PRKN: variants seen among roughly 807,000 people sequenced by gnomAD.
PRKN encodes the protein parkin RBR E3 ubiquitin protein ligase.
PRKN carries 56 observed loss-of-function variants against 59.5 expected under a neutral mutation model. The observed-to-expected ratio is 0.94, with a 90% CI of 0.76 to 1.18. The LOEUF is 1.18. PRKN is among the 50% of genes most tolerant of loss of function. PRKN has a pLI of 0.00. For missense variants in PRKN, 657 were observed against 596.4 expected (o/e 1.10, Z -1.06); for synonymous variants, 250 against 222.1 (o/e 1.13, Z -1.12).
At chr6:161,814,089 G>A (rs548570864) in intron 6 of PRKN, among the ~76,000 whole-genome samples, 9 of 152,172 alleles carry the variant, frequency 5.9e-5, no homozygotes, top group Non-Finnish European at 1.3e-4. Flanking sequence ...GTGATGCGAC[G>A]TTTTTTCCTC....
rs558237944 is a variant in PRKN, at chr6:162,055,125, G to A, written c.535-951C>T. Among the ~76,000 whole-genome samples, 5 of 152,260 alleles carry A rather than the reference G, an allele frequency of 3.3e-5. 1 individual carries two copies. In the South Asian group the frequency reaches 1.0e-3, roughly 32 times the overall value. ...GGCAGTGAGCCGAGATTGTGCCACT[G>A]CACTCCAGTCTGGGTGACATAGCAA... On this transcript the variant is annotated intron_variant, in intron 4 of 11. Transcript: ENST00000366898.
rs529127105 is a variant in PRKN at position 161,446,416 on chromosome 6, T to C, written c.1084-59539A>G. Among the ~76,000 whole-genome samples, 2 of 152,154 alleles carry C rather than the reference T, an allele frequency of 1.3e-5. No homozygotes were observed. Among genetic ancestry groups the C allele is most frequent in the South Asian group, 4.2e-4 (2 of 4,816 alleles). On this transcript the variant is annotated intron_variant, in intron 9 of 11. Transcript: ENST00000366898. This position sits in a 1 kb window ranked among gnomAD's most constrained non-coding sequence, Gnocchi z 6.2. ...CCAAAGGGGCCTGGCTTGGGACCTA[T>C]GCAGCTGTGGGAGGGGAAAGGCCCT...
At chr6:161,394,138 A>G (rs1786640801) in intron 9 of PRKN, among the ~76,000 whole-genome samples, 1 of 151,956 alleles carries the variant, frequency 6.6e-6, no homozygotes, top group African/African-American at 2.4e-5. Flanking sequence ...ATGGTGTTAG[A>G]TTATAATGCA....
intron 6 of PRKN, among the ~76,000 whole-genome samples, chr6:161,972,042 G>T (rs1441688093): frequency 1.3e-5 from 2 of 152,162 alleles, no homozygotes; most frequent in African/African-American, 2.4e-5. Flanking sequence ...GTGGGGCTAA[G>T]GCGGGCGGAT....
chr6:161,925,255 A>G (rs995681008), intron 6 of PRKN, among the ~76,000 whole-genome samples: 1 of 152,146 alleles, frequency 6.6e-6, no homozygotes, highest in Non-Finnish European at 1.5e-5. Context: ...TGCATCTTTG[A>G]CTTTATAGAA....
intron 9 of PRKN, among the ~76,000 whole-genome samples, chr6:161,421,635 A>C (rs1348961612): frequency 6.6e-6 from 1 of 152,158 alleles, no homozygotes; most frequent in African/African-American, 2.4e-5. Flanking sequence ...TTACCCCTTG[A>C]ACTGTTTCCA....
chr6:161,403,577 C>G (rs900676119), intron 9 of PRKN, among the ~76,000 whole-genome samples: 1 of 152,144 alleles, frequency 6.6e-6, no homozygotes, highest in South Asian at 2.1e-4. Context: ...GGCAGGAGCA[C>G]GTAATGACTC....
intron 1 of PRKN, among the ~76,000 whole-genome samples, chr6:162,536,867 G>A (rs1333188050): frequency 6.6e-6 from 1 of 152,134 alleles, no homozygotes; most frequent in Admixed American, 6.6e-5. Context: ...ATGCAAAGAT[G>A]CATTGATTTC....
At position 161,548,867 on chromosome 6, in the gene PRKN, C is replaced by T. The variant is rs764212924; in HGVS notation, c.1070G>A (p.Gly357Asp). ...GGCAGTACTCACCCCACAGCCCAGG[C>T]CATTGCCCCCTTCGCAGGTGACTTT... ...QRKVTCEGGN[G>D]LGCGFAFCRE... Residue 357 changes from glycine (G) to aspartate (D), a missense_variant, in exon 9 of 12, where the codon GGC becomes GAC. Transcript: ENST00000366898. The surrounding 1 kb of genome is among the most constrained non-coding windows in gnomAD (Gnocchi z 4.2). 1 of 1,614,174 alleles carries T rather than the reference C, an allele frequency of 6.2e-7. No individual in the cohort carries two copies. The highest frequency in any genetic ancestry group is 1.7e-5 in the Admixed American group (1 of 60,022).
intron 9 of PRKN, among the ~76,000 whole-genome samples, chr6:161,511,286 G>A (rs1386340777): frequency 6.6e-6 from 1 of 152,044 alleles, no homozygotes; most frequent in African/African-American, 2.4e-5. Context: ...AAAAAATAGA[G>A]GAAAATAAAC....
chr6:161,827,874 T>C (rs1792315595), intron 6 of PRKN, among the ~76,000 whole-genome samples: 1 of 152,190 alleles, frequency 6.6e-6, no homozygotes, highest in Admixed American at 6.5e-5. Context: ...AACAGAATTC[T>C]ATTTCTACCA....
At chr6:162,278,001 G>A (rs1481057669) in intron 2 of PRKN, among the ~76,000 whole-genome samples, 1 of 152,174 alleles carries the variant, frequency 6.6e-6, no homozygotes, top group Non-Finnish European at 1.5e-5. Context: ...ATTCAGGATT[G>A]CCAAAATTCA....
At chr6:162,063,890 G>C (rs771468185) in intron 4 of PRKN, among the ~76,000 whole-genome samples, 1 of 151,252 alleles carries the variant, frequency 6.6e-6, no homozygotes, top group Non-Finnish European at 1.5e-5. Flanking sequence ...CTATGACTCA[G>C]CACTTTCACT....
At chr6:162,086,148 C>T (rs894224955) in intron 4 of PRKN, among the ~76,000 whole-genome samples, 1 of 152,120 alleles carries the variant, frequency 6.6e-6, no homozygotes, top group Non-Finnish European at 1.5e-5. Flanking sequence ...TTTCATTATC[C>T]TATTAACAAA....
chr6:161,431,586 T>C (rs1281258758), intron 9 of PRKN, among the ~76,000 whole-genome samples: 1 of 151,892 alleles, frequency 6.6e-6, no homozygotes, highest in Non-Finnish European at 1.5e-5. Flanking sequence ...TATTTTCTTT[T>C]CTTTCTTTCT....
intron 1 of PRKN, among the ~76,000 whole-genome samples, chr6:162,453,811 G>A (rs1054082860): frequency 6.6e-6 from 1 of 152,104 alleles, no homozygotes; most frequent in African/African-American, 2.4e-5. Flanking sequence ...GCTGAGACAG[G>A]AGAATCACAT....
In PRKN at chr6:161,549,527, G is replaced by A. The variant is rs989463815; in HGVS notation, c.934-524C>T. ...CCCACACAATATCAATGAGCTAGAA[G>A]AAGACTAATGTTAAACAATCACATT... On this transcript the variant is annotated intron_variant, in intron 8 of 11. Coordinates refer to ENST00000366898, the MANE Select transcript of PRKN (RefSeq NM_004562.3). The surrounding 1 kb of genome is among the most constrained non-coding windows in gnomAD (Gnocchi z 6.0). Among the ~76,000 whole-genome samples the A allele has an allele frequency of 6.6e-6, 1 of 152,112 alleles. No homozygotes were observed. Among genetic ancestry groups the A allele is most frequent in the Non-Finnish European group, 1.5e-5 (1 of 68,020 alleles).
chr6:162,303,878 C>T (rs1471357800), intron 2 of PRKN, among the ~76,000 whole-genome samples: 1 of 151,956 alleles, frequency 6.6e-6, no homozygotes, highest in Non-Finnish European at 1.5e-5. Flanking sequence ...AGTGGAGGGC[C>T]AGGAGGAGGC....
intron 2 of PRKN, among the ~76,000 whole-genome samples, chr6:162,384,161 C>A (rs886296010): frequency 1.3e-5 from 2 of 152,254 alleles, no homozygotes; most frequent in East Asian, 1.9e-4. Context: ...TTTTCCTTTG[C>A]ATTCACAAAT....
Sources: gnomAD v4.1 joint callset for allele counts (sites outside exome capture counted in the v4.1 genomes callset) on GRCh38, gnomAD v4.1.1 for gene constraint, Gnocchi (gnomAD v3.1) non-coding constraint, MANE v1.5 for transcripts, NCBI Gene and HGNC (gene_info 2026-07-23, HGNC 2026-07-21) for gene names.